PRKDC: variants seen among roughly 807,000 people sequenced by gnomAD.
PRKDC encodes DNA-dependent protein kinase catalytic subunit.
PRKDC carries 82 observed loss-of-function variants against 486.9 expected under a neutral mutation model. That is an observed-to-expected ratio of 0.17 (90% CI 0.14 to 0.20). The LOEUF (loss-of-function observed/expected upper bound fraction) is 0.20, where lower values mean the gene tolerates loss of function less well. Ranked by LOEUF, PRKDC falls within the 10% of genes least tolerant of loss-of-function variation. The pLI is 1.00. For missense variants in PRKDC, 4,504 were observed against 5,038.2 expected (o/e 0.89, Z 3.21); for synonymous variants, 1,895 against 1,837.0 (o/e 1.03, Z -0.81).
rs531330017 is a variant in PRKDC, at chr8:47,789,030, C to T, written c.10778G>A (p.Arg3593Lys). 8.3e-5 allele frequency: 134 copies of T among 1,612,476 alleles called. No individual in the cohort carries two copies. The South Asian group carries it at 1.4e-3, about 16-fold the overall frequency. ...TACAGGGGTTTTTGCTAGTTCAGCT[C>T]TTACATCATTGCTCCAATCCTGTCA... ...LLFKDWSNDV[R>K]AELAKTPVNK... is the part of the protein sequence containing the mutation. The change falls in exon 76 of 86, where the codon AGA becomes AAA. Residue 3593 changes from arginine (R) to lysine (K), a missense_variant. Physicochemically the swap from Arg to Lys is conservative, Grantham distance 26. Coordinates refer to ENST00000314191, the MANE Select transcript of PRKDC (RefSeq NM_006904.7).
At position 47,800,839 on chromosome 8, in the gene PRKDC, C is replaced by G; in HGVS notation, c.10070G>C (p.Arg3357Thr). The G allele has an allele frequency of 6.2e-7, 1 of 1,612,932 alleles. No individual in the cohort carries two copies. The highest frequency in any genetic ancestry group is 2.2e-5 in the East Asian group (1 of 44,868). ...GGATCCAGAAAGCTCTAAGATTCTT[C>G]TAGCCTTGTCCTCCTCGATTTCAGC... ...CLAEIEEDKA[R>T]RILELSGSSS... Residue 3357 changes from arginine to threonine, a missense_variant, in exon 71 of 86, where the codon AGA (arginine) becomes ACA (threonine). Arg to Thr is a moderately conservative substitution (Grantham distance 71). Around this residue, in one of 6 missense-constraint regions of PRKDC, gnomAD observed 1,592 missense variants for 1,724.6 expected, o/e 0.92. Transcript: ENST00000314191.
At chr8:47,928,687 C>T (rs1457366043) in intron 19 of PRKDC, among the ~76,000 whole-genome samples, 2 of 151,608 alleles carry the variant, frequency 1.3e-5, no homozygotes, top group African/African-American at 4.8e-5. Context: ...TAACCTGACA[C>T]AATTGTTTTT....
intron 7 of PRKDC, among the ~76,000 whole-genome samples, chr8:47,951,763 CA>C (rs1417750199): frequency 2.0e-5 from 3 of 151,962 alleles, no homozygotes; most frequent in Non-Finnish European, 4.4e-5. Context: ...TACAACTCAA[CA>C]AAAAGTCAAA....
chr8:47,862,058 T>G lies in PRKDC; in HGVS notation c.5985+4A>C. ...TTTTTTTTAACATTGAAAATTTCAC[T>G]CACCTCAACTTCTACAGGAAAATTA... On this transcript the variant is annotated splice_donor_region_variant and intron_variant, in intron 44 of 85. Transcript: ENST00000314191. The G allele has an allele frequency of 1.3e-6, 2 of 1,542,772 alleles. No individual in the cohort carries two copies. The highest frequency in any genetic ancestry group is 8.8e-7 in the Non-Finnish European group (1 of 1,140,950).
At chr8:47,783,971 T>C (rs1589692915) in intron 77 of PRKDC, 162 bp from the exon 78 acceptor site, 1 of 707,930 alleles carries the variant, frequency 1.4e-6, no homozygotes, top group East Asian at 2.8e-5. Flanking sequence ...AAAAATGTTA[T>C]TTCTCGGCCG....
At chr8:47,930,835 A>T in intron 16 of PRKDC, 48 bp from the exon 17 acceptor site, 1 of 1,484,770 alleles carries the variant, frequency 6.7e-7, no homozygotes, top group Non-Finnish European at 9.0e-7. Flanking sequence ...TCAATCACGA[A>T]TCACTCAACA....
intron 54 of PRKDC, among the ~76,000 whole-genome samples, chr8:47,844,093 G>A (rs2088213896): frequency 6.6e-6 from 1 of 152,176 alleles, no homozygotes; most frequent in Non-Finnish European, 1.5e-5. Context: ...TAAAAGCCAC[G>A]CAGTGGCAAG....
chr8:47,912,614 G>A, intron 24 of PRKDC, 52 bp from the exon 25 acceptor site: 4 of 1,463,116 alleles, frequency 2.7e-6, no homozygotes, highest in Non-Finnish European at 3.7e-6. Flanking sequence ...TTGATGACAA[G>A]AGAATATTTG....
At chr8:47,820,636 T>C (rs2087568636) in intron 66 of PRKDC, 83 bp downstream of exon 66, 1 of 847,206 alleles carries the variant, frequency 1.2e-6, no homozygotes, top group East Asian at 3.5e-5. Context: ...ATCCTAAAAA[T>C]AGTATATTTC....
intron 56 of PRKDC, 105 bp downstream of exon 56, chr8:47,839,043 G>C: frequency 2.4e-6 from 2 of 822,024 alleles, no homozygotes; most frequent in Non-Finnish European, 3.9e-6. Context: ...CAGAGAAAAT[G>C]CTAATACTGC....
intron 76 of PRKDC, 49 bp from the exon 77 acceptor site, chr8:47,785,366 T>A (rs1362576650): frequency 7.1e-7 from 1 of 1,403,708 alleles, no homozygotes; most frequent in South Asian, 1.3e-5. Context: ...AGTTTGGACT[T>A]TGGAAAAGGC....
chr8:47,912,498 G>A lies in PRKDC; in HGVS notation c.2846C>T (p.Pro949Leu), dbSNP rs769522845. Residue 949 changes from proline to leucine, a missense_variant, in exon 25 of 86, where the codon CCA becomes CTA. By Grantham distance (98) the Pro-to-Leu change is moderately conservative (BLOSUM62 -3). Coordinates refer to ENST00000314191, the MANE Select transcript of PRKDC (RefSeq NM_006904.7). The stretch of plus-strand genomic sequence containing the variant: ...GGGTGGGGCTCCCTGTCCCCCTTCT[G>A]GCATCTGCGTGGCTTTGCCCAACAT... ...MFMLGKATQM[P>L]EGGQGAPPMY... The A allele has an allele frequency of 6.2e-7, 1 of 1,612,714 alleles. No homozygotes were observed. The highest frequency in any genetic ancestry group is 8.5e-7 in the Non-Finnish European group (1 of 1,179,176).
At chr8:47,831,289 T>C (rs1265044396) in intron 60 of PRKDC, among the ~76,000 whole-genome samples, 1 of 152,220 alleles carries the variant, frequency 6.6e-6, no homozygotes, top group East Asian at 1.9e-4. Flanking sequence ...GCCGCTCCTG[T>C]GGCGGCGGCG....
rs760084761 is a variant in PRKDC at position 47,831,970 on chromosome 8, A to G, written c.8153-44T>C. ...CCCAGTTACTCCCCGCCGCCCAGAC[A>G]CTTGGCTCTGCTGGTTCATTTTCAC... On this transcript the variant is annotated intron_variant, in intron 59 of 85. Transcript: ENST00000314191. 1.1e-5 allele frequency: 17 copies of G among 1,542,288 alleles called. No homozygotes were observed. In the African/African-American group the frequency reaches 1.8e-4, roughly 16 times the overall value.
chr8:47,831,542 G>C (rs1381108802), intron 60 of PRKDC, among the ~76,000 whole-genome samples: 2 of 152,078 alleles, frequency 1.3e-5, no homozygotes, highest in African/African-American at 4.8e-5. Flanking sequence ...CCAGGGCGCG[G>C]GCCTTGAGGT....
intron 54 of PRKDC, among the ~76,000 whole-genome samples, chr8:47,845,068 T>G (rs1357736652): frequency 6.6e-6 from 1 of 151,848 alleles, no homozygotes. Context: ...TACAAAAAAA[T>G]TAGCCAGGCG....
At chr8:47,872,519 A>G (rs1161512951) in intron 40 of PRKDC, among the ~76,000 whole-genome samples, 5 of 151,810 alleles carry the variant, frequency 3.3e-5, no homozygotes, top group Non-Finnish European at 7.4e-5. Context: ...AAAAAAAAAA[A>G]AATGATCTGT....
At chr8:47,919,307 G>A (rs1463465033) in intron 21 of PRKDC, among the ~76,000 whole-genome samples, 1 of 152,128 alleles carries the variant, frequency 6.6e-6, no homozygotes, top group East Asian at 1.9e-4. Context: ...AAAATCATAT[G>A]CCAGTAATTT....
At position 47,939,647 on chromosome 8, in the gene PRKDC, C is replaced by T. The variant is rs752727983; in HGVS notation, c.1017G>A (p.Gln339=). Residue 339 remains glutamine, a synonymous_variant, in exon 11 of 86, where the codon CAG becomes CAA. Transcript: ENST00000314191. The part of the protein sequence containing the change: ...KNAEMHKNKL[Q]YFMEQFYGII... ...TTCCATAAAACTGCTCCATAAAGTA[C>T]TGCAGTTTATTTTTATGCATTTCTG... 5 of 1,611,262 alleles carry T rather than the reference C, an allele frequency of 3.1e-6. No homozygotes were observed. In the South Asian group the frequency reaches 4.4e-5, roughly 14 times the overall value.
Sources: allele counts gnomAD v4.1 joint callset (sites outside exome capture counted in the v4.1 genomes callset), GRCh38; gene constraint gnomAD v4.1.1; regional missense constraint gnomAD v4.1.1; transcripts MANE v1.5; gene names NCBI Gene and HGNC (gene_info 2026-07-23, HGNC 2026-07-21).